STAT1: variants seen among roughly 807,000 people sequenced by gnomAD.
STAT1 encodes the protein signal transducer and activator of transcription 1-alpha/beta.
A neutral mutation model predicts 111.7 loss-of-function variants in STAT1; 24 were observed. The ratio of observed to expected loss-of-function variants is 0.21; its 90% confidence interval spans 0.16 to 0.30. The LOEUF (loss-of-function observed/expected upper bound fraction) is 0.30. Ranked by LOEUF, STAT1 falls within the 10% of genes least tolerant of loss-of-function variation. STAT1 has a pLI of 1.00. For missense variants in STAT1, 351 were observed against 911.9 expected (o/e 0.38, Z 7.92); for synonymous variants, 332 against 326.5 (o/e 1.02, Z -0.18).
In STAT1 at chr2:190,997,813, G is replaced by C. The variant is rs890204263; in HGVS notation, c.785+43C>G. Reference sequence around the variant, plus strand: ...AAAGGTACATTTATGTGTTTATGTGGTTAGCCAGTCAGCTGCCAGTTTTCT... The same window carrying C: ...AAAGGTACATTTATGTGTTTATGTGCTTAGCCAGTCAGCTGCCAGTTTTCT... On this transcript the variant is annotated intron_variant, in intron 9 of 24. Coordinates refer to ENST00000361099, the MANE Select transcript of STAT1 (RefSeq NM_007315.4). This position sits in a 1 kb window ranked among gnomAD's most constrained non-coding sequence, Gnocchi z 7.3. The C allele has an allele frequency of 6.2e-7, 1 of 1,613,438 alleles. No individual in the cohort carries two copies. Among genetic ancestry groups the C allele is most frequent in the Non-Finnish European group, 8.5e-7 (1 of 1,179,956 alleles).
chr2:190,975,531 ACT>A lies in STAT1; in HGVS notation c.2135+279_2135+280del. On this transcript the variant is annotated intron_variant, in intron 23 of 24. Coordinates refer to ENST00000361099, the MANE Select transcript of STAT1 (RefSeq NM_007315.4). The surrounding 1 kb of genome is among the most constrained non-coding windows in gnomAD (Gnocchi z 5.9). ...CTAGATTGAAAAGAACTACTTTCCC[ACT>A]CTGATCAACTTTTGCTCATTTTATT... is the stretch of plus-strand genomic sequence containing the variant. 1 of 1,287,288 alleles carries A rather than the reference ACT, an allele frequency of 7.8e-7. No homozygotes were observed. Among genetic ancestry groups the A allele is most frequent in the Non-Finnish European group, 1.0e-6 (1 of 973,578 alleles). 79.7% of individuals were successfully genotyped at this position (1,287,288 alleles called of 1,614,324 possible).
chr2:190,970,730 A>G lies in STAT1; in HGVS notation c.2239-13T>C. 6.2e-7 allele frequency: 1 copy of G among 1,612,600 alleles called. No individual in the cohort carries two copies. ...ATACTGTGTTCATCTGTAAAAAGAC[A>G]AAATGTGGTTAAGTTTATTACACTG... On this transcript the variant is annotated splice_polypyrimidine_tract_variant and intron_variant, in intron 24 of 24. Transcript: ENST00000361099. The surrounding 1 kb of genome is among the most constrained non-coding windows in gnomAD (Gnocchi z 5.4).
At chr2:191,009,251 A>T (rs764534386) in intron 3 of STAT1, 144 bp from the exon 4 acceptor site, 1 of 1,091,514 alleles carries the variant, frequency 9.2e-7, no homozygotes, top group Non-Finnish European at 1.3e-6. Flanking sequence ...TGAAACTGAC[A>T]TTGCTTTTAG....
chr2:190,975,674 G>A lies in STAT1; in HGVS notation c.2135+138C>T, dbSNP rs1691852388. On this transcript the variant is annotated intron_variant, in intron 23 of 24. Transcript: ENST00000361099. The surrounding 1 kb of genome is among the most constrained non-coding windows in gnomAD (Gnocchi z 5.9). ...TAAAATGCTGATAGGCAGTAACACG[G>A]GGATCTCAACAAGTTCAGCTGTGAT... 2 of 1,523,414 alleles carry A rather than the reference G, an allele frequency of 1.3e-6. No homozygotes were observed. The highest frequency in any genetic ancestry group is 4.1e-5 in the Admixed American group (2 of 48,726). The allele number at this position is 1,523,414 out of a possible 1,614,324, so 94.4% of individuals were successfully genotyped here.
chr2:191,010,388 T>G (rs1191503043), intron 2 of STAT1: 2 of 471,322 alleles, frequency 4.2e-6, no homozygotes, highest in African/African-American at 4.0e-5. Flanking sequence ...TTTTCATTAT[T>G]GTCTGTTTTC....
rs1021140532 is a variant in STAT1, at chr2:190,983,030, T to G, written c.1447-512A>C. 1.3e-5 allele frequency among the ~76,000 whole-genome samples: 2 copies of G among 152,188 alleles called. No individual in the cohort carries two copies. The highest frequency in any genetic ancestry group is 4.8e-5 in the African/African-American group (2 of 41,462). On this transcript the variant is annotated intron_variant, in intron 17 of 24. Coordinates refer to ENST00000361099, the MANE Select transcript of STAT1 (RefSeq NM_007315.4). This position sits in a 1 kb window ranked among gnomAD's most constrained non-coding sequence, Gnocchi z 5.7. ...CATGGGAAGGCTGGGATGTGCCTTA[T>G]GGAGAAAATACATGTGTGAGGCAAG...
intron 10 of STAT1, 128 bp downstream of exon 10, chr2:190,994,927 AATATAT>A (rs1159903683): frequency 0.025 from 3,344 of 134,850 alleles, 336 homozygotes; most frequent in South Asian, 0.1. Context: ...AAAAAAAAAA[AATATAT>A]ATATATATAT....
rs375604257 is a variant in STAT1, at chr2:190,979,018, T to C, written c.1728-17A>G. On this transcript the variant is annotated splice_polypyrimidine_tract_variant and intron_variant, in intron 20 of 24. Transcript: ENST00000361099. The surrounding 1 kb of genome is among the most constrained non-coding windows in gnomAD (Gnocchi z 5.8). ...ATGATGCACCTGGATATCGAAGAGA[T>C]GGACGGATGGGCTTTTAGTTCAATC... is the stretch of plus-strand genomic sequence containing the variant. 1.9e-6 allele frequency: 3 copies of C among 1,614,040 alleles called. No individual in the cohort carries two copies. Among genetic ancestry groups the C allele is most frequent in the African/African-American group, 2.7e-5 (2 of 74,938 alleles).
rs80316898 is a variant in STAT1, at chr2:190,998,681, CA to C, written c.542-374del. On this transcript the variant is annotated intron_variant, in intron 7 of 24. Coordinates refer to ENST00000361099, the MANE Select transcript of STAT1 (RefSeq NM_007315.4). This position sits in a 1 kb window ranked among gnomAD's most constrained non-coding sequence, Gnocchi z 4.1. Reference sequence around the variant, plus strand: ...CGTCTCCAAAAAAAAACAAAAAAAACAAAAAAAAAACAAAAAAAACTTGTTT... The same window carrying C: ...CGTCTCCAAAAAAAAACAAAAAAAACAAAAAAAAACAAAAAAAACTTGTTT... 9.7e-4 allele frequency among the ~76,000 whole-genome samples: 131 copies of C among 135,652 alleles called. No homozygotes were observed. Among genetic ancestry groups the C allele is most frequent in the South Asian group, 7.0e-3 (30 of 4,310 alleles). 89.0% of individuals were successfully genotyped at this position (135,652 alleles called of 152,430 possible).
At position 190,984,182 on chromosome 2, in the gene STAT1, G is replaced by C. The variant is rs1196291711; in HGVS notation, c.1347+128C>G. On this transcript the variant is annotated intron_variant, in intron 16 of 24. Transcript: ENST00000361099. This position sits in a 1 kb window ranked among gnomAD's most constrained non-coding sequence, Gnocchi z 5.2. ...ATAAATTAAGGTTAAGATAGTATTA[G>C]CTGAAAAAGATCATTTTAAAACAAT... 2 of 786,206 alleles carry C rather than the reference G, an allele frequency of 2.5e-6. No homozygotes were observed. Among genetic ancestry groups the C allele is most frequent in the Admixed American group, 4.4e-5 (2 of 45,334 alleles). 48.7% of individuals were successfully genotyped at this position (786,206 alleles called of 1,614,324 possible). A position where few individuals can be genotyped will look rare whatever the true frequency, so the allele number is the denominator to read the frequency against.
In STAT1 at chr2:190,998,949, T is replaced by C. The variant is rs542008966; in HGVS notation, c.542-641A>G. Among the ~76,000 whole-genome samples the C allele has an allele frequency of 5.3e-5, 8 of 152,126 alleles. No homozygotes were observed. The highest frequency in any genetic ancestry group is 1.2e-4 in the Non-Finnish European group (8 of 68,034). On this transcript the variant is annotated intron_variant, in intron 7 of 24. Coordinates refer to ENST00000361099, the MANE Select transcript of STAT1 (RefSeq NM_007315.4). The surrounding 1 kb of genome is among the most constrained non-coding windows in gnomAD (Gnocchi z 4.1). The stretch of plus-strand genomic sequence containing the variant: ...TAGTTGAAGTTGCTGTCTCTTATAC[T>C]TTCTACCCAAATCATACTGATAATC...
intron 4 of STAT1, 133 bp downstream of exon 4, chr2:191,008,830 C>T (rs574070144): frequency 1.7e-5 from 16 of 916,478 alleles, no homozygotes; most frequent in Non-Finnish European, 2.6e-5. Flanking sequence ...CTGTAGAAAA[C>T]ATAAATGGAG....
At chr2:191,013,954 A>T (rs534885087) in intron 1 of STAT1, 64 bp downstream of exon 1, 1 of 300,334 alleles carries the variant, frequency 3.3e-6, no homozygotes, top group South Asian at 1.6e-4. Flanking sequence ...GTCCAACTGC[A>T]CGGCCCGAGG....
Position 190,993,265 on chromosome 2 carries a change from A to G in STAT1, c.944+1796T>C. The G allele has an allele frequency of 4.9e-6, 3 of 611,232 alleles. No individual in the cohort carries two copies. The South Asian group carries it at 5.0e-5, about 10-fold the overall frequency. 37.9% of individuals were successfully genotyped at this position (611,232 alleles called of 1,614,324 possible). On this transcript the variant is annotated intron_variant, in intron 10 of 24. Coordinates refer to ENST00000361099, the MANE Select transcript of STAT1 (RefSeq NM_007315.4). The surrounding 1 kb of genome is among the most constrained non-coding windows in gnomAD (Gnocchi z 4.1). ...CTATTTTCTGCAGTCACTGTTTAAT[A>G]TTATTGAAGGACTCCTGATCTGTCA...
In STAT1 at chr2:190,993,347, C is replaced by T. The variant is rs1027006600; in HGVS notation, c.944+1714G>A. On this transcript the variant is annotated intron_variant, in intron 10 of 24. Transcript: ENST00000361099. This position sits in a 1 kb window ranked among gnomAD's most constrained non-coding sequence, Gnocchi z 4.1. ...TCTGTAATAACTGGAGATGACTGTTCGAAACCTTTCCTGTTCTGCTGTGTT... is the reference window on the plus strand; with the variant it reads ...TCTGTAATAACTGGAGATGACTGTTTGAAACCTTTCCTGTTCTGCTGTGTT... The T allele has an allele frequency of 7.0e-5, 71 of 1,012,412 alleles. 1 individual carries two copies. Among genetic ancestry groups the T allele is most frequent in the South Asian group, 3.4e-4 (25 of 73,914 alleles). The allele number at this position is 1,012,412 out of a possible 1,614,324, so 62.7% of individuals were successfully genotyped here.
At position 190,998,785 on chromosome 2, in the gene STAT1, A is replaced by G. The variant is rs1694043731; in HGVS notation, c.542-477T>C. Among the ~76,000 whole-genome samples the G allele has an allele frequency of 6.6e-6, 1 of 151,754 alleles. No homozygotes were observed. The highest frequency in any genetic ancestry group is 2.4e-5 in the African/African-American group (1 of 41,472). On this transcript the variant is annotated intron_variant, in intron 7 of 24. Coordinates refer to ENST00000361099, the MANE Select transcript of STAT1 (RefSeq NM_007315.4). This position sits in a 1 kb window ranked among gnomAD's most constrained non-coding sequence, Gnocchi z 4.1. ...CAGGTAATTACCTAAATAAATGTAA[A>G]TAACATTAATAATAATGTTATTATT...
Position 191,006,381 on chromosome 2 carries a change from A to G in STAT1, c.372+1182T>C, listed in dbSNP as rs975379002. 1.3e-5 allele frequency among the ~76,000 whole-genome samples: 2 copies of G among 152,306 alleles called. No individual in the cohort carries two copies. Among genetic ancestry groups the G allele is most frequent in the African/African-American group, 2.4e-5 (1 of 41,572 alleles). On this transcript the variant is annotated intron_variant, in intron 5 of 24. Coordinates refer to ENST00000361099, the MANE Select transcript of STAT1 (RefSeq NM_007315.4). This position sits in a 1 kb window ranked among gnomAD's most constrained non-coding sequence, Gnocchi z 4.6. ...CCAGCTTGAGTTTAGAATAAGCAAT[A>G]TGTATCTTTACATGCTCAGTTCAGC...
rs374901532 is a variant in STAT1 at position 190,994,313 on chromosome 2, C to G, written c.944+748G>C. Among the ~76,000 whole-genome samples, 33 of 152,188 alleles carry G rather than the reference C, an allele frequency of 2.2e-4. 7 individuals are homozygous for G. Among genetic ancestry groups the G allele is most frequent in the Admixed American group, 9.8e-4 (15 of 15,288 alleles). On this transcript the variant is annotated intron_variant, in intron 10 of 24. Transcript: ENST00000361099. ...CTGCAGAAGGGGGGCCGTGAATGCCCAGCTGGGCATTCACTTGGATCAGCA... is the reference window on the plus strand; with the variant it reads ...CTGCAGAAGGGGGGCCGTGAATGCCGAGCTGGGCATTCACTTGGATCAGCA...
rs190805832 is a variant in STAT1 at position 190,993,120 on chromosome 2, A to C, written c.945-1800T>G. 4.9e-4 allele frequency: 202 copies of C among 413,446 alleles called. 1 individual carries two copies. In the East Asian group the frequency reaches 0.012, roughly 24 times the overall value. The allele number at this position is 413,446 out of a possible 1,614,324, so 25.6% of individuals were successfully genotyped here. ...GCATTCCTAGCACTAGTTTCCAAAA[A>C]CAGAATTCCAAGGGAATCAGCAAAT... On this transcript the variant is annotated intron_variant, in intron 10 of 24. Transcript: ENST00000361099. The surrounding 1 kb of genome is among the most constrained non-coding windows in gnomAD (Gnocchi z 4.1).
Sources: gnomAD v4.1 joint callset for allele counts (sites outside exome capture counted in the v4.1 genomes callset) on GRCh38, gnomAD v4.1.1 for gene constraint, Gnocchi (gnomAD v3.1) non-coding constraint, MANE v1.5 for transcripts, NCBI Gene and HGNC (gene_info 2026-07-23, HGNC 2026-07-21) for gene names.